GRAMD1C: variants seen among roughly 807,000 people sequenced by gnomAD.
GRAMD1C encodes the protein protein Aster-C.
In GRAMD1C, 89 loss-of-function variants were observed where a neutral mutation model predicts 97.8. The observed-to-expected ratio is 0.91, with a 90% CI of 0.77 to 1.09. The LOEUF is 1.09. Among genes scored for constraint, GRAMD1C ranks in the 50% least tolerant of loss-of-function variants. The pLI, the probability that GRAMD1C is intolerant of heterozygous loss-of-function variation, is 0.00. For missense variants in GRAMD1C, 740 were observed against 766.4 expected, an observed-to-expected ratio of 0.97 and a Z score of 0.41; for synonymous variants, 256 against 267.0, an observed-to-expected ratio of 0.96 and a Z score of 0.40.
chr3:113,900,831 G>A (rs940539544), intron 6 of GRAMD1C, among the ~76,000 whole-genome samples, 200 bp from the exon 7 acceptor site: 1 of 151,950 alleles, frequency 6.6e-6, no homozygotes, highest in Non-Finnish European at 1.5e-5. Flanking sequence ...TTCCTTTTAT[G>A]AACTCTGCCA....
Position 113,867,881 on chromosome 3 carries a change from C to T in GRAMD1C, c.175-1626C>T, listed in dbSNP as rs553714972. ...ATTATTTCTTCAAATATTTTTCTAT[C>T]TTCCCCTTTTTCCTTCTGATACTCC... On this transcript the variant is annotated intron_variant, in intron 2 of 17. Transcript: ENST00000358160. Among the ~76,000 whole-genome samples the T allele has an allele frequency of 2.0e-5, 3 of 152,192 alleles. No homozygotes were observed. The South Asian group carries it at 6.2e-4, about 32-fold the overall frequency.
At chr3:113,900,862 T>C (rs1936143239) in intron 6 of GRAMD1C, among the ~76,000 whole-genome samples, 169 bp from the exon 7 acceptor site, 1 of 152,194 alleles carries the variant, frequency 6.6e-6, no homozygotes, top group Admixed American at 6.5e-5. Flanking sequence ...ATTAACTCAT[T>C]TTTATAGATA....
chr3:113,841,298 T>TTTTTTTC (rs1342608400), intron 1 of GRAMD1C, among the ~76,000 whole-genome samples: 1 of 144,852 alleles, frequency 6.9e-6, no homozygotes, highest in African/African-American at 2.5e-5. Context: ...TTTTTTTTTT[T>TTTTTTTC]TTTGCGAGAC....
At chr3:113,836,747 G>A (rs918823122), upstream of GRAMD1C, among the ~76,000 whole-genome samples, 18 of 151,904 alleles carry the variant, frequency 1.2e-4, 1 homozygote, top group African/African-American at 3.4e-4. Context: ...AGGTTCAAGC[G>A]ATTCTCCTGC....
chr3:113,915,361 G>A (rs779150637), intron 9 of GRAMD1C, among the ~76,000 whole-genome samples: 1 of 152,104 alleles, frequency 6.6e-6, no homozygotes, highest in East Asian at 1.9e-4. Context: ...TATTGTCCTT[G>A]TCCCTTTTGA....
At chr3:113,832,018 A>G (rs533553108) in intron 1 of GRAMD1C, among the ~76,000 whole-genome samples, 28 of 150,114 alleles carry the variant, frequency 1.9e-4, no homozygotes, top group Admixed American at 1.3e-3. Flanking sequence ...GACATTTTGA[A>G]TATTATAATG....
At chr3:113,910,274 T>G (rs1559808810) in intron 9 of GRAMD1C, among the ~76,000 whole-genome samples, 1 of 152,038 alleles carries the variant, frequency 6.6e-6, no homozygotes, top group Non-Finnish European at 1.5e-5. Context: ...TCCCAGCTAC[T>G]CGGGAGGCTG....
intron 6 of GRAMD1C, among the ~76,000 whole-genome samples, chr3:113,900,508 C>T (rs1936126462): frequency 6.7e-6 from 1 of 150,242 alleles, no homozygotes; most frequent in Non-Finnish European, 1.5e-5. Flanking sequence ...GCAACCTCCG[C>T]CCCCTGGGTT....
At chr3:113,845,223 A>G (rs1470195166) in intron 2 of GRAMD1C, among the ~76,000 whole-genome samples, 1 of 152,220 alleles carries the variant, frequency 6.6e-6, no homozygotes, top group African/African-American at 2.4e-5. Flanking sequence ...TTTTTGGAAG[A>G]AAAACACTTC....
rs1019981955 is a variant in GRAMD1C, at chr3:113,850,324, G to C, written c.174+5675G>C. The C allele has an allele frequency of 6.6e-5, 48 of 723,904 alleles. 1 individual carries two copies. Among genetic ancestry groups the C allele is most frequent in the South Asian group, 6.0e-4 (44 of 73,720 alleles). The allele number at this position is 723,904 out of a possible 1,614,324, so 44.8% of individuals were successfully genotyped here. A position where few individuals can be genotyped will look rare whatever the true frequency, so the allele number is the denominator to read the frequency against. ...ACACAGCCCCAGCCTCGACTTTCTT[G>C]TTGGCACCAGGGGGCACAAAACTCC... On this transcript the variant is annotated intron_variant, in intron 2 of 17. Transcript: ENST00000358160.
intron 2 of GRAMD1C, among the ~76,000 whole-genome samples, chr3:113,862,425 G>A (rs1344313512): frequency 6.6e-6 from 1 of 152,204 alleles, no homozygotes; most frequent in African/African-American, 2.4e-5. Context: ...TTTGAAAGAA[G>A]AGAAATATGG....
In GRAMD1C at chr3:113,839,495, TTGTG is replaced by T. The variant is rs551898925; in HGVS notation, c.27+563_27+566del. ...AACACCATCCTCCTTCTACATTGGT[TTGTG>T]TGTATGTATTTTACTTTTAGAGAAC... On this transcript the variant is annotated intron_variant, in intron 1 of 17. Coordinates refer to ENST00000358160, the MANE Select transcript of GRAMD1C (RefSeq NM_017577.5). Among the ~76,000 whole-genome samples, 416 of 152,334 alleles carry T rather than the reference TTGTG, an allele frequency of 2.7e-3. 1 individual carries two copies. Among genetic ancestry groups the T allele is most frequent in the African/African-American group, 9.6e-3 (399 of 41,582 alleles).
At chr3:113,875,302 AT>A (rs1446587558) in intron 3 of GRAMD1C, among the ~76,000 whole-genome samples, 181 bp from the exon 4 acceptor site, 1 of 152,140 alleles carries the variant, frequency 6.6e-6, no homozygotes, top group African/African-American at 2.4e-5. Flanking sequence ...GGCAAGAGCC[AT>A]TTCTGCTAAT....
intron 1 of GRAMD1C, among the ~76,000 whole-genome samples, chr3:113,839,847 G>A (rs1709732328): frequency 6.6e-6 from 1 of 152,052 alleles, no homozygotes; most frequent in African/African-American, 2.4e-5. Context: ...CTTTGCTAAG[G>A]ACCACACAGC....
At chr3:113,883,605 A>C (rs1935341958) in intron 6 of GRAMD1C, among the ~76,000 whole-genome samples, 1 of 152,116 alleles carries the variant, frequency 6.6e-6, no homozygotes, top group African/African-American at 2.4e-5. Flanking sequence ...TCAAAGGCAC[A>C]AATAGATTGA....
intron 5 of GRAMD1C, among the ~76,000 whole-genome samples, chr3:113,880,271 G>A (rs1577157184): frequency 2.0e-5 from 3 of 151,594 alleles, no homozygotes; most frequent in African/African-American, 7.3e-5. Flanking sequence ...TTTCTTTCTA[G>A]AGGCAAATGC....
At chr3:113,835,746 T>G (rs904074883), upstream of GRAMD1C, among the ~76,000 whole-genome samples, 3 of 152,336 alleles carry the variant, frequency 2.0e-5, no homozygotes, top group South Asian at 4.1e-4. Flanking sequence ...CGAACGATGT[T>G]CACATTTTTG....
intron 6 of GRAMD1C, among the ~76,000 whole-genome samples, chr3:113,889,032 T>C (rs921942774): frequency 5.3e-5 from 8 of 152,172 alleles, no homozygotes; most frequent in African/African-American, 1.9e-4. Context: ...AGAAACCCCA[T>C]CTATACTAAA....
intron 6 of GRAMD1C, chr3:113,897,562 C>T (rs1032616506): frequency 4.0e-5 from 39 of 980,592 alleles, no homozygotes; most frequent in Non-Finnish European, 4.5e-5. Context: ...AGATAATGTG[C>T]TTTAAACTAC....
Sources: gnomAD v4.1 joint callset for allele counts (sites outside exome capture counted in the v4.1 genomes callset) on GRCh38, gnomAD v4.1.1 for gene constraint, MANE v1.5 for transcripts, NCBI Gene and HGNC (gene_info 2026-07-23, HGNC 2026-07-21) for gene names.